The following SIRPG variants were observed in gnomAD, a reference collection of about 807,000 sequenced individuals.
The protein encoded by SIRPG is signal-regulatory protein gamma.
In SIRPG, 38 loss-of-function variants were observed where a neutral mutation model predicts 35.7. The observed-to-expected ratio is 1.06, with a 90% confidence interval of 0.82 to 1.40. The LOEUF is 1.40. Ranked by LOEUF, SIRPG falls within the 40% of genes most tolerant of loss-of-function variation. SIRPG has a pLI of 0.00. For missense variants in SIRPG, 519 were observed against 483.0 expected (o/e 1.07, Z -0.70); for synonymous variants, 215 against 190.4 (o/e 1.13, Z -1.06).
chr20:1,648,925 G>A (rs1344026525), intron 2 of SIRPG, 127 bp downstream of exon 2: 1 of 856,126 alleles, frequency 1.2e-6, no homozygotes, highest in East Asian at 2.4e-5. Flanking sequence ...TCTGTAGAAG[G>A]GGGTGACAAC....
chr20:1,663,665 A>G, the SIRPG span, among the ~76,000 whole-genome samples: 6 of 152,236 alleles, frequency 3.9e-5, no homozygotes, highest in African/African-American at 1.4e-4. Flanking sequence ...TCATCAGTGG[A>G]CATAAGCACT....
intron 1 of SIRPG, among the ~76,000 whole-genome samples, chr20:1,655,607 A>G (rs1378367589): frequency 1.3e-5 from 2 of 152,228 alleles, no homozygotes; most frequent in African/African-American, 4.8e-5. Context: ...TCTATTGTAC[A>G]ATGTGGTGTT....
intron 1 of SIRPG, among the ~76,000 whole-genome samples, chr20:1,655,245 T>G (rs1216153129): frequency 5.9e-5 from 9 of 152,242 alleles, no homozygotes; most frequent in Non-Finnish European, 2.9e-5. Context: ...ATTGCAGCAT[T>G]ATTTACAAAA....
intron 2 of SIRPG, among the ~76,000 whole-genome samples, chr20:1,640,819 G>C (rs1407562640): frequency 6.6e-6 from 1 of 152,162 alleles, no homozygotes. Flanking sequence ...TTAGCATGAA[G>C]CGGTGTTGAA....
intron 2 of SIRPG, chr20:1,647,509 C>T (rs2091906487): frequency 6.6e-6 from 1 of 152,158 alleles, no homozygotes; most frequent in African/African-American, 2.4e-5. Context: ...ATAATATTCT[C>T]ATATATGAAA....
chr20:1,655,529 G>A (rs763864488), intron 1 of SIRPG, among the ~76,000 whole-genome samples: 32 of 152,222 alleles, frequency 2.1e-4, no homozygotes, highest in Non-Finnish European at 4.1e-4. Flanking sequence ...GAGAGGGGGT[G>A]TAGTTGGGGA....
At chr20:1,632,723 G>A (rs2091761111) in intron 4 of SIRPG, among the ~76,000 whole-genome samples, 1 of 152,050 alleles carries the variant, frequency 6.6e-6, no homozygotes, top group Non-Finnish European at 1.5e-5. Context: ...GGACAGCCCT[G>A]CAGCCAGGCA....
chr20:1,661,440 G>C (rs2091995555), upstream of SIRPG, among the ~76,000 whole-genome samples: 1 of 152,210 alleles, frequency 6.6e-6, no homozygotes, highest in Admixed American at 6.5e-5. Flanking sequence ...AAATCAATAG[G>C]AGCAGGTAAC....
Position 1,636,265 on chromosome 20 carries a change from AC to A in SIRPG, c.670del (p.Val224SerfsTer38), listed in dbSNP as rs2091800178. 6.2e-7 allele frequency: 1 copy of A among 1,614,144 alleles called. No homozygotes were observed. Among genetic ancestry groups the A allele is most frequent in the African/African-American group, 1.3e-5 (1 of 75,038 alleles). ...GGTGACATGGGCCACCTCGCAGATG[AC>A]CTGAGAGCGAACGTCCCAGGGGTCC... ...VLDPWDVRSQ[V>X]ICEVAHVTLQ... On this transcript the variant is annotated frameshift_variant, in exon 3 of 6. Coordinates refer to ENST00000303415, the MANE Select transcript of SIRPG (RefSeq NM_018556.4). LOFTEE classifies it high-confidence loss of function.
the SIRPG span, among the ~76,000 whole-genome samples, chr20:1,663,680 A>C: frequency 9.8e-4 from 150 of 152,352 alleles, 1 homozygote; most frequent in Admixed American, 2.0e-4. Flanking sequence ...AGCACTTTGA[A>C]GGCATAATTG....
At chr20:1,649,516 A>G in intron 1 of SIRPG, 108 bp from the exon 2 acceptor site, 2 of 995,526 alleles carry the variant, frequency 2.0e-6, no homozygotes, top group African/African-American at 1.6e-5. Flanking sequence ...AATCAGGAGC[A>G]GGACTTGATC....
the SIRPG span, among the ~76,000 whole-genome samples, chr20:1,683,148 A>G: frequency 6.6e-6 from 1 of 152,214 alleles, no homozygotes; most frequent in African/African-American, 2.4e-5. Context: ...TATAAAAAAT[A>G]CCCAATCTTA....
chr20:1,679,930 C>T, the SIRPG span, among the ~76,000 whole-genome samples: 11 of 152,244 alleles, frequency 7.2e-5, no homozygotes, highest in African/African-American at 2.4e-4. Context: ...GACTCTCCAT[C>T]CTAAAGTGGG....
the SIRPG span, among the ~76,000 whole-genome samples, chr20:1,672,237 A>G: frequency 6.6e-6 from 1 of 152,214 alleles, no homozygotes; most frequent in Non-Finnish European, 1.5e-5. Flanking sequence ...AGGATGCTTC[A>G]TATAAGTGAA....
At chr20:1,636,020 G>T (rs143762372) in intron 3 of SIRPG, among the ~76,000 whole-genome samples, 168 bp downstream of exon 3, 1 of 152,338 alleles carries the variant, frequency 6.6e-6, no homozygotes, top group African/African-American at 2.4e-5. Flanking sequence ...CCTGACCGCT[G>T]CCAATAAAAT....
rs769929613 is a variant in SIRPG at position 1,632,305 on chromosome 20, C to A, written c.1082-1999G>T. On this transcript the variant is annotated intron_variant, in intron 4 of 5. Transcript: ENST00000303415. ...CTCAGTATTACTTGAAGAGAGAAAG[C>A]CAAACTGCAAAATGACCGTGAGTCA... 7.2e-4 allele frequency among the ~76,000 whole-genome samples: 110 copies of A among 152,144 alleles called. 1 individual carries two copies. Among genetic ancestry groups the A allele is most frequent in the Non-Finnish European group, 2.1e-4 (14 of 68,016 alleles).
intron 1 of SIRPG, among the ~76,000 whole-genome samples, chr20:1,654,062 A>G (rs1209663344): frequency 1.3e-5 from 2 of 151,864 alleles, no homozygotes; most frequent in African/African-American, 2.4e-5. Context: ...ACATGGTAAA[A>G]CCTTGTCTCT....
At chr20:1,677,297 T>G in the SIRPG span, among the ~76,000 whole-genome samples, 318 of 152,356 alleles carry the variant, frequency 2.1e-3, 2 homozygotes, top group African/African-American at 7.2e-3. Context: ...TCTGGCCATA[T>G]GGAGTATTGC....
In SIRPG at chr20:1,635,389, T is replaced by G; in HGVS notation, c.959A>C (p.Asp320Ala). Residue 320 changes from aspartate (D) to alanine (A), a missense_variant, in exon 4 of 6, where the codon GAC becomes GCC. Asp to Ala is a moderately radical substitution (Grantham distance 126, BLOSUM62 -2). Transcript: ENST00000303415. ...WTSWFLVNIS[D>A]QRDDVVLTCQ... ...GGTGAGGACCACATCATCCCTTTGG[T>G]CAGATATGTTCACCAGGAACCAGCT... The G allele has an allele frequency of 6.2e-7, 1 of 1,614,142 alleles. No individual in the cohort carries two copies.
Sources: gnomAD v4.1 joint callset for allele counts (sites outside exome capture counted in the v4.1 genomes callset) on GRCh38, gnomAD v4.1.1 for gene constraint, MANE v1.5 for transcripts, NCBI Gene and HGNC (gene_info 2026-07-23, HGNC 2026-07-21) for gene names.